FBXO8: variants seen among roughly 807,000 people sequenced by gnomAD.
FBXO8 encodes F-box only protein 8.
A neutral mutation model predicts 33.4 loss-of-function variants in FBXO8; 15 were observed. That is an observed-to-expected ratio of 0.45 (90% CI 0.30 to 0.69). The LOEUF (loss-of-function observed/expected upper bound fraction) is 0.69. Ranked by LOEUF, FBXO8 falls within the 30% of genes least tolerant of loss-of-function variation. The pLI is 0.08. For missense variants in FBXO8, 274 were observed against 380.3 expected (o/e 0.72, Z 2.32); for synonymous variants, 132 against 131.5 (o/e 1.00, Z -0.02).
chr4:174,270,677 C>T lies in FBXO8; in HGVS notation c.-8-7577G>A, dbSNP rs962013605. Among the ~76,000 whole-genome samples, 1 of 150,280 alleles carries T rather than the reference C, an allele frequency of 6.7e-6. No homozygotes were observed. The highest frequency in any genetic ancestry group is 2.5e-5 in the African/African-American group (1 of 40,680). On this transcript the variant is annotated intron_variant, in intron 1 of 5. Transcript: ENST00000393674. The surrounding 1 kb of genome is among the most constrained non-coding windows in gnomAD (Gnocchi z 4.6). ...TTGTTCCCCAGCTGCAGTGCAATGG[C>T]GCGATCTCGGCTCACTGCAACCTCC... is the stretch of plus-strand genomic sequence containing the variant.
intron 1 of FBXO8, among the ~76,000 whole-genome samples, chr4:174,273,622 C>T (rs150363861): frequency 9.3e-4 from 142 of 152,232 alleles, no homozygotes; most frequent in Non-Finnish European, 1.7e-3. Context: ...TGTATGCAAC[C>T]TACTCCAAAA....
rs558183689 is a variant in FBXO8, at chr4:174,253,211, T to C, written c.456+6488A>G. On this transcript the variant is annotated intron_variant, in intron 3 of 5. Coordinates refer to ENST00000393674, the MANE Select transcript of FBXO8 (RefSeq NM_012180.3). This position sits in a 1 kb window ranked among gnomAD's most constrained non-coding sequence, Gnocchi z 4.5. ...AAGCCTTGGCCATGTAGGCCCAGTG[T>C]GATTTTTAAAAAATTACTTTTATCA... is the stretch of plus-strand genomic sequence containing the variant. 6.6e-6 allele frequency among the ~76,000 whole-genome samples: 1 copy of C among 152,258 alleles called. No homozygotes were observed. Among genetic ancestry groups the C allele is most frequent in the Admixed American group, 6.5e-5 (1 of 15,284 alleles).
rs908249570 is a variant in FBXO8, at chr4:174,256,299, A to C, written c.456+3400T>G. On this transcript the variant is annotated intron_variant, in intron 3 of 5. Transcript: ENST00000393674. The surrounding 1 kb of genome is among the most constrained non-coding windows in gnomAD (Gnocchi z 4.6). ...ACTTGCAAAAAGCATCACATATTTA[A>C]ACGTATCATCAAAACTAATTTACTG... Among the ~76,000 whole-genome samples, 6 of 152,202 alleles carry C rather than the reference A, an allele frequency of 3.9e-5. No homozygotes were observed. The highest frequency in any genetic ancestry group is 3.3e-4 in the Admixed American group (5 of 15,266).
rs1292683580 is a variant in FBXO8, at chr4:174,278,504, T to C, written c.-9+4906A>G. The stretch of plus-strand genomic sequence containing the variant: ...GAATTTTAGGCTTATTCAATTTCTG[T>C]GGTTTGTTTTTCAAGAAATGCTCCA... On this transcript the variant is annotated intron_variant, in intron 1 of 5. Coordinates refer to ENST00000393674, the MANE Select transcript of FBXO8 (RefSeq NM_012180.3). This position sits in a 1 kb window ranked among gnomAD's most constrained non-coding sequence, Gnocchi z 4.1. Among the ~76,000 whole-genome samples, 1 of 152,110 alleles carries C rather than the reference T, an allele frequency of 6.6e-6. No individual in the cohort carries two copies. Among genetic ancestry groups the C allele is most frequent in the Non-Finnish European group, 1.5e-5 (1 of 67,960 alleles).
intron 3 of FBXO8, among the ~76,000 whole-genome samples, chr4:174,242,081 G>A (rs1736053112): frequency 6.6e-6 from 1 of 151,478 alleles, no homozygotes; most frequent in African/African-American, 2.4e-5. Flanking sequence ...AAAGGCAGGT[G>A]GGTTTATTTC....
intron 3 of FBXO8, among the ~76,000 whole-genome samples, chr4:174,242,693 T>C (rs951660668): frequency 5.9e-5 from 9 of 151,522 alleles, no homozygotes; most frequent in African/African-American, 1.9e-4. Flanking sequence ...AAAATACTTC[T>C]TTGGAATGAG....
At position 174,277,495 on chromosome 4, in the gene FBXO8, T is replaced by C. The variant is rs1736985847; in HGVS notation, c.-9+5915A>G. On this transcript the variant is annotated intron_variant, in intron 1 of 5. Transcript: ENST00000393674. This position sits in a 1 kb window ranked among gnomAD's most constrained non-coding sequence, Gnocchi z 4.9. ...AATAAGTAATGAAGAATGGTTTATA[T>C]ACTATTTGGGCATATAAAATCTACA... Among the ~76,000 whole-genome samples the C allele has an allele frequency of 6.6e-6, 1 of 152,132 alleles. No individual in the cohort carries two copies. The highest frequency in any genetic ancestry group is 1.9e-4 in the East Asian group (1 of 5,196).
Position 174,257,433 on chromosome 4 carries a change from C to T in FBXO8, c.456+2266G>A, listed in dbSNP as rs73009495. 2.3e-3 allele frequency among the ~76,000 whole-genome samples: 352 copies of T among 152,168 alleles called. 2 individuals are homozygous for T. The highest frequency in any genetic ancestry group is 7.2e-3 in the African/African-American group (297 of 41,508). ...AGGTTACATTTCTCTTATAATGTAA[C>T]ATTTGAAAGTGATATGAATTGAAGA... On this transcript the variant is annotated intron_variant, in intron 3 of 5. Coordinates refer to ENST00000393674, the MANE Select transcript of FBXO8 (RefSeq NM_012180.3). The surrounding 1 kb of genome is among the most constrained non-coding windows in gnomAD (Gnocchi z 4.3).
rs931829704 is a variant in FBXO8 at position 174,277,927 on chromosome 4, C to A, written c.-9+5483G>T. 4.6e-5 allele frequency among the ~76,000 whole-genome samples: 7 copies of A among 151,966 alleles called. No individual in the cohort carries two copies. Among genetic ancestry groups the A allele is most frequent in the Admixed American group, 1.3e-4 (2 of 15,258 alleles). Reference sequence around the variant, plus strand: ...GGTTTTAAAAATCTTTAAGGGATATCATGTGATATTATTCAATAGCATAAG... The same window carrying A: ...GGTTTTAAAAATCTTTAAGGGATATAATGTGATATTATTCAATAGCATAAG... On this transcript the variant is annotated intron_variant, in intron 1 of 5. Coordinates refer to ENST00000393674, the MANE Select transcript of FBXO8 (RefSeq NM_012180.3). This position sits in a 1 kb window ranked among gnomAD's most constrained non-coding sequence, Gnocchi z 4.9.
At position 174,256,407 on chromosome 4, in the gene FBXO8, C is replaced by T. The variant is rs935594926; in HGVS notation, c.456+3292G>A. Among the ~76,000 whole-genome samples the T allele has an allele frequency of 2.6e-5, 4 of 152,050 alleles. No homozygotes were observed. The highest frequency in any genetic ancestry group is 6.6e-5 in the Admixed American group (1 of 15,266). On this transcript the variant is annotated intron_variant, in intron 3 of 5. Transcript: ENST00000393674. The surrounding 1 kb of genome is among the most constrained non-coding windows in gnomAD (Gnocchi z 4.6). ...GAAAAAGAAAACAAAATACAGTCTC[C>T]AAAAAGTACTGCCTAATTTTGAGCA...
At chr4:174,244,888 GATT>G (rs1388937881) in intron 3 of FBXO8, among the ~76,000 whole-genome samples, 1 of 151,610 alleles carries the variant, frequency 6.6e-6, no homozygotes, top group African/African-American at 2.4e-5. Context: ...CTAGTCATTT[GATT>G]TTTTTAAAAA....
chr4:174,246,858 T>TC (rs1376625579), intron 3 of FBXO8, among the ~76,000 whole-genome samples: 1 of 152,036 alleles, frequency 6.6e-6, no homozygotes, highest in African/African-American at 2.4e-5. Context: ...TTCTTAGGTC[T>TC]ATCTGGGGAG....
Position 174,254,766 on chromosome 4 carries a change from C to T in FBXO8, c.456+4933G>A, listed in dbSNP as rs1736380218. On this transcript the variant is annotated intron_variant, in intron 3 of 5. Coordinates refer to ENST00000393674, the MANE Select transcript of FBXO8 (RefSeq NM_012180.3). The surrounding 1 kb of genome is among the most constrained non-coding windows in gnomAD (Gnocchi z 4.2). ...TTGTTTGTTTGTTTTGTAGTAAGTA[C>T]TATCAGACCAAAGGAAAGAAAACAA... Among the ~76,000 whole-genome samples the T allele has an allele frequency of 6.6e-6, 1 of 152,026 alleles. No homozygotes were observed.
chr4:174,263,300 C>T lies in FBXO8; in HGVS notation c.-8-200G>A, dbSNP rs974321892. On this transcript the variant is annotated intron_variant, in intron 1 of 5. Transcript: ENST00000393674. The surrounding 1 kb of genome is among the most constrained non-coding windows in gnomAD (Gnocchi z 4.2). ...TTTGATAGACAAAGTTTCAGAATTA[C>T]TTGGTTCGATCATCACCTTTATCCC... Among the ~76,000 whole-genome samples, 2 of 152,130 alleles carry T rather than the reference C, an allele frequency of 1.3e-5. No homozygotes were observed. Among genetic ancestry groups the T allele is most frequent in the African/African-American group, 4.8e-5 (2 of 41,416 alleles).
chr4:174,241,753 T>C lies in FBXO8; in HGVS notation c.457-535A>G, dbSNP rs530548956. Among the ~76,000 whole-genome samples the C allele has an allele frequency of 2.0e-5, 3 of 151,674 alleles. No homozygotes were observed. The highest frequency in any genetic ancestry group is 1.3e-4 in the Admixed American group (2 of 15,208). ...GGAAGCCCAACTCCAAACCAATGTA[T>C]AGGTTGTACTACTTTGGCTTTAAAC... On this transcript the variant is annotated intron_variant, in intron 3 of 5. Coordinates refer to ENST00000393674, the MANE Select transcript of FBXO8 (RefSeq NM_012180.3). This position sits in a 1 kb window ranked among gnomAD's most constrained non-coding sequence, Gnocchi z 4.2.
In FBXO8 at chr4:174,283,226, C is replaced by T. The variant is rs1350828791; in HGVS notation, c.-9+184G>A. On this transcript the variant is annotated intron_variant, in intron 1 of 5. Coordinates refer to ENST00000393674, the MANE Select transcript of FBXO8 (RefSeq NM_012180.3). This position sits in a 1 kb window ranked among gnomAD's most constrained non-coding sequence, Gnocchi z 6.7. ...CAGTTCCGCCTCCTGACAGTGATTCCTCACTTTAATGAGCCACCACTACTG... is the reference window on the plus strand; with the variant it reads ...CAGTTCCGCCTCCTGACAGTGATTCTTCACTTTAATGAGCCACCACTACTG... Among the ~76,000 whole-genome samples, 1 of 152,220 alleles carries T rather than the reference C, an allele frequency of 6.6e-6. No homozygotes were observed. The highest frequency in any genetic ancestry group is 1.5e-5 in the Non-Finnish European group (1 of 68,036).
chr4:174,258,559 CT>C, intron 3 of FBXO8, among the ~76,000 whole-genome samples: 1 of 151,936 alleles, frequency 6.6e-6, no homozygotes, highest in Non-Finnish European at 1.5e-5. Flanking sequence ...TTATACCTGG[CT>C]TTACAATATA....
rs906566106 is a variant in FBXO8, at chr4:174,274,398, C to T, written c.-9+9012G>A. Among the ~76,000 whole-genome samples, 1 of 152,208 alleles carries T rather than the reference C, an allele frequency of 6.6e-6. No individual in the cohort carries two copies. Among genetic ancestry groups the T allele is most frequent in the Non-Finnish European group, 1.5e-5 (1 of 68,040 alleles). ...AAGGTAGTTTCGTACTCATCCCTCT[C>T]GCCCTCTTTAAATGATAACTATTAT... On this transcript the variant is annotated intron_variant, in intron 1 of 5. Coordinates refer to ENST00000393674, the MANE Select transcript of FBXO8 (RefSeq NM_012180.3). This position sits in a 1 kb window ranked among gnomAD's most constrained non-coding sequence, Gnocchi z 4.0.
chr4:174,268,455 T>C (rs1295094149), intron 1 of FBXO8, among the ~76,000 whole-genome samples: 2 of 152,126 alleles, frequency 1.3e-5, no homozygotes, highest in Non-Finnish European at 2.9e-5. Flanking sequence ...GTTTTTGAGA[T>C]GGAGTCTCGC....
Sources: allele counts gnomAD v4.1 joint callset (sites outside exome capture counted in the v4.1 genomes callset), GRCh38; gene constraint gnomAD v4.1.1; non-coding constraint Gnocchi (gnomAD v3.1); transcripts MANE v1.5; gene names NCBI Gene and HGNC (gene_info 2026-07-23, HGNC 2026-07-21).